DNAAF9: variants seen among roughly 807,000 people sequenced by gnomAD.
DNAAF9 encodes the protein dynein axonemal assembly factor 9.
In DNAAF9, 90 loss-of-function variants were observed where a neutral mutation model predicts 167.0. The observed-to-expected ratio is 0.54, with a 90% CI of 0.45 to 0.64. The LOEUF (loss-of-function observed/expected upper bound fraction) is 0.64, where lower values mean the gene tolerates loss of function less well. DNAAF9 is among the 30% of genes least tolerant of loss of function. DNAAF9 has a pLI of 0.00. For missense variants in DNAAF9, 1,315 were observed against 1,442.2 expected (o/e 0.91, Z 1.43); for synonymous variants, 491 against 508.8 (o/e 0.96, Z 0.47).
chr20:3,368,515 CTT>C (rs147303892), intron 6 of DNAAF9, among the ~76,000 whole-genome samples: 64 of 127,094 alleles, frequency 5.0e-4, no homozygotes, highest in Non-Finnish European at 7.2e-4. Flanking sequence ...TTCCTGGAAG[CTT>C]TTTTTTTTTT....
chr20:3,298,943 C>G (rs1212655936), intron 21 of DNAAF9, among the ~76,000 whole-genome samples: 2 of 132,894 alleles, frequency 1.5e-5, no homozygotes, highest in Non-Finnish European at 3.1e-5. Flanking sequence ...GAGTCTCACT[C>G]TGTCGTCCAG....
chr20:3,256,085 T>C lies in DNAAF9; in HGVS notation c.3182A>G (p.Gln1061Arg). 1 of 1,614,174 alleles carries C rather than the reference T, an allele frequency of 6.2e-7. No homozygotes were observed. The highest frequency in any genetic ancestry group is 1.1e-5 in the South Asian group (1 of 91,090). The change falls in exon 34 of 37, where the codon CAG becomes CGG. Residue 1061 changes from glutamine (Q) to arginine (R), a missense_variant. By Grantham distance (43) the Gln-to-Arg change is conservative. This residue lies in a region of DNAAF9 where 334 missense variants were observed against 429.7 expected (regional missense o/e 0.78). Transcript: ENST00000252032. ...KSVSQDSSGQQECYLVFIGCS... is the reference protein window; with the variant it reads ...KSVSQDSSGQRECYLVFIGCS... ...GCCGATGAACACAAGGTAGCACTCC[T>C]GCTGCCCGCTGCTGTCTTGAGATAC...
chr20:3,310,514 G>A (rs138365625), intron 20 of DNAAF9, among the ~76,000 whole-genome samples: 8,825 of 151,668 alleles, frequency 0.058, 360 homozygotes, highest in Non-Finnish European at 0.082. Context: ...GCGAAACCCC[G>A]TCTCTATTAA....
intron 33 of DNAAF9, among the ~76,000 whole-genome samples, chr20:3,258,345 C>T (rs991290875): frequency 6.6e-6 from 1 of 152,114 alleles, no homozygotes; most frequent in African/African-American, 2.4e-5. Context: ...AGCTAAGGAC[C>T]CATGTAATTC....
chr20:3,375,686 T>A (rs1261183506), intron 4 of DNAAF9, among the ~76,000 whole-genome samples: 1 of 151,946 alleles, frequency 6.6e-6, no homozygotes, highest in East Asian at 1.9e-4. Flanking sequence ...GTAACAAAAC[T>A]CCGTCTCTAC....
rs748747470 is a variant in DNAAF9, at chr20:3,322,212, C to T, written c.1356+5G>A. On this transcript the variant is annotated splice_donor_5th_base_variant and intron_variant, in intron 16 of 36. Transcript: ENST00000252032. The stretch of plus-strand genomic sequence containing the variant: ...AGCCAGCTGACCCATGATAGCTCTG[C>T]TTACCGTCTTCACAAAGGATAAGCT... 14 of 1,606,492 alleles carry T rather than the reference C, an allele frequency of 8.7e-6. No homozygotes were observed. Among genetic ancestry groups the T allele is most frequent in the Middle Eastern group, 1.6e-4 (1 of 6,076 alleles).
At chr20:3,346,216 G>A (rs1433855797) in intron 8 of DNAAF9, among the ~76,000 whole-genome samples, 1 of 152,160 alleles carries the variant, frequency 6.6e-6, no homozygotes, top group Admixed American at 6.5e-5. Context: ...TGGTGGGAAT[G>A]CAAACTGGTA....
intron 34 of DNAAF9, 69 bp downstream of exon 34, chr20:3,255,937 C>A: frequency 8.0e-7 from 1 of 1,242,634 alleles, no homozygotes; most frequent in Non-Finnish European, 1.2e-6. Context: ...CGGGGCTTCT[C>A]AGGGCCAACA....
chr20:3,259,344 G>A, intron 33 of DNAAF9, 136 bp downstream of exon 33: 1 of 704,760 alleles, frequency 1.4e-6, no homozygotes, highest in Non-Finnish European at 2.6e-6. Flanking sequence ...ATGGCGTGAA[G>A]GCCCAGGGTG....
chr20:3,348,678 GA>G, intron 7 of DNAAF9, 55 bp from the exon 8 acceptor site: 1 of 1,037,614 alleles, frequency 9.6e-7, no homozygotes, highest in Non-Finnish European at 1.4e-6. Context: ...AGGTATTTTA[GA>G]AAACGAGAAT....
At position 3,370,838 on chromosome 20, in the gene DNAAF9, C is replaced by A. The variant is rs373680187; in HGVS notation, c.612+3210G>T. 1.8e-4 allele frequency among the ~76,000 whole-genome samples: 28 copies of A among 152,304 alleles called. 1 individual carries two copies. Among genetic ancestry groups the A allele is most frequent in the East Asian group, 1.3e-3 (7 of 5,186 alleles). ...ACAAGTGTGAGCCACTCACCAGGCC[C>A]TTTTCAGTTTTTTTACAAAACCTCC... On this transcript the variant is annotated intron_variant, in intron 6 of 36. Coordinates refer to ENST00000252032, the MANE Select transcript of DNAAF9 (RefSeq NM_001009984.3).
intron 1 of DNAAF9, among the ~76,000 whole-genome samples, chr20:3,400,359 T>C (rs1042742762): frequency 5.3e-5 from 8 of 151,162 alleles, no homozygotes; most frequent in African/African-American, 1.9e-4. Flanking sequence ...AAAAGTTTAC[T>C]AAGTAAACAA....
chr20:3,397,201 C>T (rs1192565692), intron 1 of DNAAF9, among the ~76,000 whole-genome samples: 1 of 149,718 alleles, frequency 6.7e-6, no homozygotes, highest in Non-Finnish European at 1.5e-5. Flanking sequence ...CAGTGGAGAT[C>T]ACACCACTGC....
At position 3,359,532 on chromosome 20, in the gene DNAAF9, T is replaced by C; in HGVS notation, c.674A>G (p.Glu225Gly). 1 of 1,612,064 alleles carries C rather than the reference T, an allele frequency of 6.2e-7. No homozygotes were observed. Among genetic ancestry groups the C allele is most frequent in the Non-Finnish European group, 8.5e-7 (1 of 1,179,118 alleles). ...GCTCCTTACATCTGAAAGCAAACTCTCCAGAGACATAGGATCCATCTTGCT... is the reference window on the plus strand; with the variant it reads ...GCTCCTTACATCTGAAAGCAAACTCCCCAGAGACATAGGATCCATCTTGCT... ...VYSKMDPMSLESLLSDDLVAF... is the reference protein window; with the variant it reads ...VYSKMDPMSLGSLLSDDLVAF... The change falls in exon 7 of 37, where the codon GAG (glutamate) becomes GGG (glycine). Residue 225 changes from glutamate (E) to glycine (G), a missense_variant. Physicochemically the swap from Glu to Gly is moderately conservative, Grantham distance 98 (BLOSUM62 -2). Transcript: ENST00000252032.
intron 10 of DNAAF9, 48 bp downstream of exon 10, chr20:3,340,456 C>CCCCCCA: frequency 2.6e-6 from 3 of 1,152,354 alleles, no homozygotes; most frequent in Admixed American, 2.3e-5. Flanking sequence ...CCCACCCCCA[C>CCCCCCA]AACTTGATAA....
intron 9 of DNAAF9, among the ~76,000 whole-genome samples, chr20:3,343,016 T>C (rs1334019972): frequency 6.6e-6 from 1 of 152,000 alleles, no homozygotes; most frequent in Admixed American, 6.6e-5. Flanking sequence ...GGATTCTCTG[T>C]GTACTCTGAT....
At chr20:3,344,903 C>T (rs2070164324) in intron 8 of DNAAF9, among the ~76,000 whole-genome samples, 1 of 152,204 alleles carries the variant, frequency 6.6e-6, no homozygotes, top group South Asian at 2.1e-4. Flanking sequence ...TTCTTTTATA[C>T]CCCTTGGCAT....
chr20:3,395,214 G>A (rs1277223169), intron 1 of DNAAF9, among the ~76,000 whole-genome samples: 15 of 139,272 alleles, frequency 1.1e-4, no homozygotes, highest in African/African-American at 4.3e-4. Flanking sequence ...CTCGTGATCC[G>A]CCCGTCTCGG....
At chr20:3,296,384 G>T (rs865886316) in intron 23 of DNAAF9, 5,163 of 272,080 alleles carry the variant, frequency 0.019, 66 homozygotes, top group Non-Finnish European at 0.026. Flanking sequence ...GACATTTTTC[G>T]TTTTTTTTTT....
Sources: allele counts gnomAD v4.1 joint callset (sites outside exome capture counted in the v4.1 genomes callset), GRCh38; gene constraint gnomAD v4.1.1; regional missense constraint gnomAD v4.1.1; transcripts MANE v1.5; gene names NCBI Gene and HGNC (gene_info 2026-07-23, HGNC 2026-07-21).